The following ANO3 variants were observed in gnomAD, a reference collection of about 807,000 sequenced individuals.
ANO3 encodes anoctamin 3.
Under a neutral mutation model 144.8 loss-of-function variants are expected in ANO3, and 99 were observed. That is an observed-to-expected ratio of 0.68 (90% CI 0.58 to 0.81). ANO3 has a LOEUF of 0.81. Ranked by LOEUF, ANO3 falls within the 30% of genes least tolerant of loss-of-function variation. ANO3 has a pLI of 0.00. For missense variants in ANO3, 905 were observed against 1,202.2 expected (o/e 0.75, Z 3.66); for synonymous variants, 414 against 392.6 (o/e 1.05, Z -0.64).
At chr11:26,289,882 CT>C in intron 1 of ANO3, among the ~76,000 whole-genome samples, 1 of 151,436 alleles carries the variant, frequency 6.6e-6, no homozygotes, top group Admixed American at 6.6e-5. Flanking sequence ...CTAAAATTCT[CT>C]TTTTTTGTTG....
intron 1 of ANO3, among the ~76,000 whole-genome samples, chr11:26,433,431 T>C (rs1304183890): frequency 6.6e-6 from 1 of 152,128 alleles, no homozygotes; most frequent in African/African-American, 2.4e-5. Context: ...CAATACTATG[T>C]TGAGTAGGAG....
At chr11:26,388,192 A>G (rs12274387) in intron 1 of ANO3, among the ~76,000 whole-genome samples, 1 of 151,104 alleles carries the variant, frequency 6.6e-6, no homozygotes, top group Non-Finnish European at 1.5e-5. Context: ...TTTATGGTCT[A>G]TTATGTCCTA....
chr11:26,620,286 A>G lies in ANO3; in HGVS notation c.1837-4176A>G, dbSNP rs376878991. 5.3e-5 allele frequency among the ~76,000 whole-genome samples: 8 copies of G among 152,214 alleles called. No individual in the cohort carries two copies. In the East Asian group the frequency reaches 1.5e-3, roughly 29 times the overall value. ...CAACTTTAACTAATTTTGTCATATT[A>G]CAGCAGCATGACAGCTGCCTGGTCT... On this transcript the variant is annotated intron_variant, in intron 17 of 26. Coordinates refer to ENST00000256737, the MANE Select transcript of ANO3 (RefSeq NM_031418.4).
At chr11:26,352,589 T>C (rs1397122975) in intron 1 of ANO3, among the ~76,000 whole-genome samples, 2 of 152,222 alleles carry the variant, frequency 1.3e-5, no homozygotes, top group African/African-American at 2.4e-5. Flanking sequence ...AATATTCTTA[T>C]AGATTGAAGA....
chr11:26,494,719 C>T (rs1198473999), intron 4 of ANO3, among the ~76,000 whole-genome samples: 1 of 152,122 alleles, frequency 6.6e-6, no homozygotes, highest in Non-Finnish European at 1.5e-5. Context: ...AAAACAGGGG[C>T]TCCTAGAACG....
intron 1 of ANO3, among the ~76,000 whole-genome samples, chr11:26,317,417 A>G (rs1272102717): frequency 6.6e-6 from 1 of 151,276 alleles, no homozygotes; most frequent in African/African-American, 2.4e-5. Context: ...ATTTACAAGA[A>G]AAAAAAAACA....
chr11:26,290,150 T>C (rs1018968231), intron 1 of ANO3, among the ~76,000 whole-genome samples: 2 of 152,180 alleles, frequency 1.3e-5, no homozygotes, highest in African/African-American at 4.8e-5. Flanking sequence ...AGGGCGTATG[T>C]GTCCAGGAAT....
chr11:26,518,110 A>G, intron 6 of ANO3, among the ~76,000 whole-genome samples: 1 of 152,074 alleles, frequency 6.6e-6, no homozygotes, highest in Non-Finnish European at 1.5e-5. Flanking sequence ...AGGAAATAAT[A>G]TTCTTTCCAA....
intron 1 of ANO3, among the ~76,000 whole-genome samples, chr11:26,201,762 G>GTT (rs1255392086): frequency 9.3e-5 from 12 of 128,766 alleles, no homozygotes; most frequent in South Asian, 5.0e-4. Context: ...AGGAAGTTTT[G>GTT]TTTTTTTTTT....
intron 1 of ANO3, among the ~76,000 whole-genome samples, chr11:26,304,552 G>A (rs1854323676): frequency 6.6e-6 from 1 of 151,878 alleles, no homozygotes; most frequent in African/African-American, 2.4e-5. Context: ...ATCTAATATA[G>A]ATAAATAAAT....
At chr11:26,382,602 C>G (rs1856619386) in intron 1 of ANO3, among the ~76,000 whole-genome samples, 1 of 152,146 alleles carries the variant, frequency 6.6e-6, no homozygotes, top group Non-Finnish European at 1.5e-5. Flanking sequence ...AAATGTTCCT[C>G]TACTGTGGAG....
intron 14 of ANO3, among the ~76,000 whole-genome samples, chr11:26,588,828 A>G (rs41468744): frequency 0.2 from 29,836 of 151,994 alleles, 3,128 homozygotes; most frequent in East Asian, 0.33. Flanking sequence ...CTCTTCTCCT[A>G]TTTACTTCCT....
intron 1 of ANO3, among the ~76,000 whole-genome samples, chr11:26,229,562 A>T (rs1272321240): frequency 6.6e-6 from 1 of 152,194 alleles, no homozygotes; most frequent in African/African-American, 2.4e-5. Flanking sequence ...ACCCCCTTTC[A>T]TATCTCAGTG....
chr11:26,302,877 A>G (rs1237633554), intron 1 of ANO3, among the ~76,000 whole-genome samples: 1 of 152,184 alleles, frequency 6.6e-6, no homozygotes, highest in Non-Finnish European at 1.5e-5. Flanking sequence ...AAATAACCCT[A>G]TTAATAATGG....
rs1027682416 is a variant in ANO3, at chr11:26,196,521, G to C, written c.154+7191G>C. On this transcript the variant is annotated intron_variant, in intron 1 of 27. Coordinates refer to the ANO3 transcript ENST00000672621. Reference sequence around the variant, plus strand: ...TACAGAAGTAGTTAATTCTCCAGTAGAGCCAAGTAGTGGGTTTTGGAAATC... The same window carrying C: ...TACAGAAGTAGTTAATTCTCCAGTACAGCCAAGTAGTGGGTTTTGGAAATC... Among the ~76,000 whole-genome samples, 5 of 151,992 alleles carry C rather than the reference G, an allele frequency of 3.3e-5. No homozygotes were observed. The East Asian group carries it at 7.7e-4, about 23-fold the overall frequency.
intron 1 of ANO3, among the ~76,000 whole-genome samples, chr11:26,321,027 T>C (rs896660204): frequency 8.5e-5 from 13 of 152,258 alleles, no homozygotes; most frequent in African/African-American, 3.1e-4. Context: ...TTCCTTATTG[T>C]TCCTGGCCTG....
intron 4 of ANO3, among the ~76,000 whole-genome samples, chr11:26,463,899 T>A (rs1001291489): frequency 7.1e-6 from 1 of 141,052 alleles, no homozygotes; most frequent in African/African-American, 2.6e-5. Context: ...ATAAGCTCAC[T>A]TTTTTTTTTT....
intron 1 of ANO3, among the ~76,000 whole-genome samples, chr11:26,344,212 TA>T (rs1409305981): frequency 6.6e-6 from 1 of 152,184 alleles, no homozygotes; most frequent in Non-Finnish European, 1.5e-5. Context: ...AGAATTGTAT[TA>T]AAATAGAGTT....
At chr11:26,583,889 G>A (rs1361742850) in intron 14 of ANO3, among the ~76,000 whole-genome samples, 1 of 152,132 alleles carries the variant, frequency 6.6e-6, no homozygotes, top group African/African-American at 2.4e-5. Flanking sequence ...TTTTGAGAAG[G>A]CTTCAAGTCT....
Sources: allele counts gnomAD v4.1 joint callset (sites outside exome capture counted in the v4.1 genomes callset), GRCh38; gene constraint gnomAD v4.1.1; transcripts MANE v1.5; gene names NCBI Gene and HGNC (gene_info 2026-07-23, HGNC 2026-07-21).